The following CENPM variants were observed in gnomAD, a reference collection of about 807,000 sequenced individuals.
The protein encoded by CENPM is interphase centromere complex protein 39.
Under a neutral mutation model 19.6 loss-of-function variants are expected in CENPM, and 14 were observed. The observed-to-expected ratio is 0.71, with a 90% CI of 0.47 to 1.11. The LOEUF is 1.11. Among genes scored for constraint, CENPM ranks in the 50% most tolerant of loss-of-function variants. The pLI is 0.00. For synonymous variants in CENPM, 114 were observed against 101.5 expected, an observed-to-expected ratio of 1.12 and a Z score of -0.74; for missense variants, 239 against 228.4, an observed-to-expected ratio of 1.05 and a Z score of -0.30.
the CENPM span, among the ~76,000 whole-genome samples, chr22:41,931,991 C>T: frequency 3.3e-5 from 5 of 152,252 alleles, no homozygotes; most frequent in Non-Finnish European, 7.3e-5. Context: ...CGTTTCCCCA[C>T]GGTCCCCAGA....
intron 5 of CENPM, 131 bp downstream of exon 5, chr22:41,943,479 C>T: frequency 1.4e-6 from 1 of 714,670 alleles, no homozygotes; most frequent in Non-Finnish European, 2.3e-6. Flanking sequence ...CCTGTGTCTC[C>T]CTCCCCTTCA....
At chr22:41,940,209 G>A (rs375310605) in intron 5 of CENPM, 22 of 751,924 alleles carry the variant, frequency 2.9e-5, no homozygotes, top group Admixed American at 1.1e-4. Flanking sequence ...AGGTATCTCC[G>A]TGGCCTGCCT....
At chr22:41,946,558 G>A in intron 1 of CENPM, 62 bp from the exon 2 acceptor site, 1 of 1,446,814 alleles carries the variant, frequency 6.9e-7, no homozygotes, top group East Asian at 2.3e-5. Context: ...GGGAGGGCCT[G>A]GCCCTTCGAC....
At chr22:41,928,198 AGTGGAGGGAAGC>A in the CENPM span, 1 of 411,622 alleles carries the variant, frequency 2.4e-6, no homozygotes, top group Non-Finnish European at 4.9e-6. This position sits in a 1 kb window ranked among gnomAD's most constrained non-coding sequence, Gnocchi z 4.0. Context: ...CTGTGACTGC[AGTGGAGGGAAGC>A]CCGCCCACAC....
At chr22:41,945,634 G>C (rs1391955922) in intron 3 of CENPM, among the ~76,000 whole-genome samples, 1 of 151,870 alleles carries the variant, frequency 6.6e-6, no homozygotes, top group Non-Finnish European at 1.5e-5. Flanking sequence ...TATTTTAGTA[G>C]AGACGGGGTT....
At chr22:41,938,142 T>C (rs1157133727), downstream of CENPM, among the ~76,000 whole-genome samples, 1 of 15,356 alleles carries the variant, frequency 6.5e-5, no homozygotes, top group East Asian at 0.029. Flanking sequence ...GCGCCCAGCA[T>C]TTTTTTTTTT....
At chr22:41,928,073 G>A in the CENPM span, 8 of 299,492 alleles carry the variant, frequency 2.7e-5, no homozygotes, top group Admixed American at 3.1e-4. This position sits in a 1 kb window ranked among gnomAD's most constrained non-coding sequence, Gnocchi z 4.0. Context: ...CGAAAGGCTG[G>A]ACTGGGGCCT....
At chr22:41,944,952 G>T in intron 4 of CENPM, 1 of 1,298,248 alleles carries the variant, frequency 7.7e-7, no homozygotes, top group Non-Finnish European at 9.8e-7. Context: ...TTTATTTTAA[G>T]TTCAGGGGTA....
chr22:41,933,421 TGGA>T, the CENPM span, among the ~76,000 whole-genome samples: 3 of 151,770 alleles, frequency 2.0e-5, no homozygotes, highest in Non-Finnish European at 4.4e-5. Context: ...CCAAGCATAT[TGGA>T]GGAGGAGGGC....
chr22:41,945,020 A>G, intron 4 of CENPM: 1 of 1,391,424 alleles, frequency 7.2e-7, no homozygotes, highest in Non-Finnish European at 9.5e-7. Flanking sequence ...TGTACAGATC[A>G]TTGTCACCCA....
downstream of CENPM, among the ~76,000 whole-genome samples, chr22:41,934,089 G>A (rs747382457): frequency 5.9e-5 from 9 of 152,226 alleles, no homozygotes; most frequent in Non-Finnish European, 1.2e-4. Flanking sequence ...GGTGGGACTC[G>A]GAGGCTGCTC....
intron 1 of CENPM, chr22:41,946,758 C>T (rs774159515): frequency 1.2e-5 from 7 of 599,338 alleles, no homozygotes; most frequent in Non-Finnish European, 6.0e-6. Context: ...GACCCCCAGA[C>T]GCGGGAAAAC....
chr22:41,929,839 C>T, the CENPM span, among the ~76,000 whole-genome samples: 66 of 151,362 alleles, frequency 4.4e-4, no homozygotes, highest in African/African-American at 1.5e-3. Context: ...GGCCCTGTGT[C>T]GCTACTTGGA....
intron 1 of CENPM, chr22:41,946,709 C>T: frequency 1.7e-6 from 1 of 597,508 alleles, no homozygotes; most frequent in Non-Finnish European, 3.0e-6. Flanking sequence ...TCTCTACTAC[C>T]CGACCCTCGC....
rs2077802772 is a variant in CENPM, at chr22:41,946,416, C to G, written c.137+1G>C. The stretch of plus-strand genomic sequence containing the variant: ...CCCAGGCCACAGCCGCGGCTACTTA[C>G]ACCTTCAGCTCGGAGGCGCAGTCCT... On this transcript the variant is annotated splice_donor_variant, in intron 2 of 5. Transcript: ENST00000215980. LOFTEE classifies it high-confidence loss of function. 6.2e-7 allele frequency: 1 copy of G among 1,612,666 alleles called. No individual in the cohort carries two copies.
At chr22:41,933,043 T>C in the CENPM span, among the ~76,000 whole-genome samples, 3 of 151,750 alleles carry the variant, frequency 2.0e-5, no homozygotes, top group Non-Finnish European at 4.4e-5. Context: ...GGGTTATGGG[T>C]GCAATTTCAA....
chr22:41,932,062 C>G, the CENPM span, among the ~76,000 whole-genome samples: 1 of 152,164 alleles, frequency 6.6e-6, no homozygotes, highest in Non-Finnish European at 1.5e-5. The surrounding 1 kb of genome is among the most constrained non-coding windows in gnomAD (Gnocchi z 4.3). Flanking sequence ...CCTTTGCCCC[C>G]TCGTGTAGGT....
At chr22:41,945,415 G>T in intron 3 of CENPM, 111 bp from the exon 4 acceptor site, 3 of 1,522,758 alleles carry the variant, frequency 2.0e-6, no homozygotes, top group Non-Finnish European at 2.6e-6. Context: ...TGACAAGAGG[G>T]TGACTTTCTC....
chr22:41,936,838 G>C (rs1163545834), downstream of CENPM, among the ~76,000 whole-genome samples: 2 of 152,186 alleles, frequency 1.3e-5, no homozygotes, highest in African/African-American at 2.4e-5. Flanking sequence ...TGAGGCAGGA[G>C]AATCACTTGA....
Sources: gnomAD v4.1 joint callset for allele counts (sites outside exome capture counted in the v4.1 genomes callset) on GRCh38, gnomAD v4.1.1 for gene constraint, Gnocchi (gnomAD v3.1) non-coding constraint, MANE v1.5 for transcripts, NCBI Gene and HGNC (gene_info 2026-07-23, HGNC 2026-07-21) for gene names.